MAPK10: variants seen among roughly 807,000 people sequenced by gnomAD.
MAPK10 encodes mitogen-activated protein kinase 10.
Under a neutral mutation model 59.3 loss-of-function variants are expected in MAPK10, and 25 were observed. The ratio of observed to expected loss-of-function variants is 0.42; its 90% CI spans 0.31 to 0.59. The LOEUF is 0.59. Among genes scored for constraint, MAPK10 ranks in the 20% least tolerant of loss-of-function variants. The pLI, the probability that MAPK10 is intolerant of heterozygous loss-of-function variation, is 0.15. For synonymous variants in MAPK10, 190 were observed against 200.5 expected (o/e 0.95, Z 0.44); for missense variants, 351 against 568.9 (o/e 0.62, Z 3.90).
chr4:86,496,613 G>C (rs938535174), intron 1 of MAPK10, among the ~76,000 whole-genome samples: 2 of 152,114 alleles, frequency 1.3e-5, no homozygotes, highest in Non-Finnish European at 2.9e-5. Context: ...CTATGTCATG[G>C]TGACTAGGTT....
At chr4:86,111,227 C>G (rs936871584) in intron 4 of MAPK10, among the ~76,000 whole-genome samples, 1 of 152,156 alleles carries the variant, frequency 6.6e-6, no homozygotes, top group Non-Finnish European at 1.5e-5. Context: ...ATTTCTTTCT[C>G]TTGCCCGATG....
intron 1 of MAPK10, among the ~76,000 whole-genome samples, chr4:86,585,572 A>G (rs763211116): frequency 7.2e-5 from 11 of 152,260 alleles, no homozygotes; most frequent in Non-Finnish European, 1.3e-4. Context: ...TAGTGAAAAT[A>G]TAATGCTTAC....
intron 4 of MAPK10, among the ~76,000 whole-genome samples, chr4:86,148,646 T>C (rs1010369848): frequency 2.0e-5 from 3 of 152,178 alleles, no homozygotes; most frequent in Non-Finnish European, 2.9e-5. Context: ...GAAGAAACTA[T>C]GACTCCGTAA....
intron 7 of MAPK10, chr4:86,101,547 T>C: frequency 2.7e-6 from 1 of 373,604 alleles, no homozygotes. Context: ...TTTCTAGGCC[T>C]GACAGAAGAA....
chr4:86,413,790 AG>A (rs1745507006), intron 1 of MAPK10, among the ~76,000 whole-genome samples: 1 of 152,192 alleles, frequency 6.6e-6, no homozygotes, highest in African/African-American at 2.4e-5. Context: ...GTATTTGGTC[AG>A]GAGTGTACCA....
At chr4:86,431,911 A>G (rs2149041431) in intron 1 of MAPK10, among the ~76,000 whole-genome samples, 1 of 152,308 alleles carries the variant, frequency 6.6e-6, no homozygotes, top group Non-Finnish European at 1.5e-5. Flanking sequence ...GAAGCAGAGG[A>G]CATGAAAACT....
At chr4:86,260,271 C>A (rs181916072) in intron 2 of MAPK10, among the ~76,000 whole-genome samples, 2 of 151,986 alleles carry the variant, frequency 1.3e-5, no homozygotes, top group African/African-American at 2.4e-5. Flanking sequence ...TTGTAAAATA[C>A]GAGTTTCATC....
intron 1 of MAPK10, among the ~76,000 whole-genome samples, chr4:86,493,590 C>G (rs1028149768): frequency 5.3e-5 from 8 of 152,092 alleles, no homozygotes; most frequent in Admixed American, 2.0e-4. Flanking sequence ...GCCTTTCTGT[C>G]ATTTTGGGCC....
intron 2 of MAPK10, among the ~76,000 whole-genome samples, chr4:86,315,560 A>T (rs1292237254): frequency 6.6e-6 from 1 of 152,142 alleles, no homozygotes; most frequent in Non-Finnish European, 1.5e-5. Context: ...TAAAAAATTA[A>T]AAAATATTTA....
At chr4:86,311,751 A>G (rs3926499) in intron 2 of MAPK10, among the ~76,000 whole-genome samples, 2 of 151,884 alleles carry the variant, frequency 1.3e-5, no homozygotes, top group Admixed American at 6.6e-5. Flanking sequence ...GATCCAGAAC[A>G]CTTGGGACTA....
In MAPK10 at chr4:86,423,760, G is replaced by GATATATATATATATATATATATAT. The variant is rs772650050; in HGVS notation, c.-122+29269_-122+29270insATATATATATATATATATATATAT. 6.6e-4 allele frequency among the ~76,000 whole-genome samples: 77 copies of GATATATATATATATATATATATAT among 117,098 alleles called. 2 individuals are homozygous for GATATATATATATATATATATATAT. Among genetic ancestry groups the GATATATATATATATATATATATAT allele is most frequent in the South Asian group, 9.3e-4 (3 of 3,234 alleles). The allele number at this position is 117,098 out of a possible 152,430, so 76.8% of individuals were successfully genotyped here. ...AGGGCTGCATATAAGTAATTAGTGG[G>GATATATATATATATATATATATAT]ATATATATACATATATATATATATA... On this transcript the variant is annotated intron_variant, in intron 1 of 13. Transcript: ENST00000361569.
At chr4:86,044,517 GA>G in intron 11 of MAPK10, 1 of 383,058 alleles carries the variant, frequency 2.6e-6, no homozygotes, top group African/African-American at 2.1e-5. Flanking sequence ...AGACGCAAAA[GA>G]AAACATTCTA....
chr4:86,554,846 C>T (rs1046085879), intron 1 of MAPK10, among the ~76,000 whole-genome samples: 1 of 152,194 alleles, frequency 6.6e-6, no homozygotes, highest in African/African-American at 2.4e-5. Flanking sequence ...CATGATGTAA[C>T]CCCAATTTAG....
chr4:86,286,812 C>T (rs2148812634), intron 2 of MAPK10, among the ~76,000 whole-genome samples: 1 of 152,260 alleles, frequency 6.6e-6, no homozygotes, highest in South Asian at 2.1e-4. Context: ...CTAATAGTAG[C>T]CTCAGTCTGA....
At chr4:86,565,961 C>G (rs894643292) in intron 1 of MAPK10, among the ~76,000 whole-genome samples, 1 of 152,184 alleles carries the variant, frequency 6.6e-6, no homozygotes, top group Non-Finnish European at 1.5e-5. Flanking sequence ...TTCCTTCCCC[C>G]CAAGTCTCTT....
intron 2 of MAPK10, among the ~76,000 whole-genome samples, chr4:86,311,788 G>T (rs2095674282): frequency 6.6e-6 from 1 of 152,066 alleles, no homozygotes. Flanking sequence ...TCAGGCAAAA[G>T]ACAGGAAGTG....
At chr4:86,425,100 T>C (rs1029588951) in intron 1 of MAPK10, among the ~76,000 whole-genome samples, 1 of 152,144 alleles carries the variant, frequency 6.6e-6, no homozygotes, top group African/African-American at 2.4e-5. Context: ...GAAAGGCTTT[T>C]AGAGTCTTGA....
intron 1 of MAPK10, among the ~76,000 whole-genome samples, chr4:86,582,280 G>A (rs1018669477): frequency 1.4e-4 from 21 of 151,214 alleles, no homozygotes; most frequent in Admixed American, 7.3e-4. Flanking sequence ...TTGCTAATAC[G>A]TTTTTGTTTA....
chr4:86,016,579 C>G lies in MAPK10; in HGVS notation c.*649G>C, dbSNP rs145685583. On this transcript the variant is annotated 3_prime_UTR_variant, in exon 14 of 14. Coordinates refer to ENST00000641462, the MANE Select transcript of MAPK10 (RefSeq NM_138982.4). ...CATATATTCCCCCTTTACATGTTTT[C>G]TTATAAGACATACAGTTTAATCAAT... 1,065 of 152,756 alleles carry G rather than the reference C, an allele frequency of 7.0e-3. 5 individuals are homozygous for G. The highest frequency in any genetic ancestry group is 0.011 in the Non-Finnish European group (722 of 68,076). 9.5% of individuals were successfully genotyped at this position (152,756 alleles called of 1,614,324 possible).
Sources: gnomAD v4.1 joint callset for allele counts (sites outside exome capture counted in the v4.1 genomes callset) on GRCh38, gnomAD v4.1.1 for gene constraint, MANE v1.5 for transcripts, NCBI Gene and HGNC (gene_info 2026-07-23, HGNC 2026-07-21) for gene names.